MAPKAP1: variants seen among roughly 807,000 people sequenced by gnomAD.
MAPKAP1 encodes target of rapamycin complex 2 subunit MAPKAP1.
In MAPKAP1, 20 loss-of-function variants were observed where a neutral mutation model predicts 65.7. The ratio of observed to expected loss-of-function variants is 0.30; its 90% CI spans 0.21 to 0.44. The LOEUF (loss-of-function observed/expected upper bound fraction) is 0.44. Ranked by LOEUF, MAPKAP1 falls within the 20% of genes least tolerant of loss-of-function variation. The pLI is 1.00. For missense variants in MAPKAP1, 423 were observed against 648.0 expected (o/e 0.65, Z 3.77); for synonymous variants, 222 against 244.3 (o/e 0.91, Z 0.85).
At chr9:125,588,431 T>A (rs1196203087) in intron 4 of MAPKAP1, among the ~76,000 whole-genome samples, 6 of 152,164 alleles carry the variant, frequency 3.9e-5, no homozygotes, top group Non-Finnish European at 8.8e-5. Flanking sequence ...GAGGTTTCTT[T>A]TGGGGGTGAT....
chr9:125,670,015 A>G, intron 2 of MAPKAP1, 108 bp from the exon 3 acceptor site: 1 of 598,468 alleles, frequency 1.7e-6, no homozygotes, highest in East Asian at 3.3e-5. Context: ...TTGCATATGT[A>G]GAGAAAAAGT....
intron 9 of MAPKAP1, among the ~76,000 whole-genome samples, chr9:125,475,066 G>C (rs1210959541): frequency 6.6e-6 from 1 of 152,202 alleles, no homozygotes; most frequent in Non-Finnish European, 1.5e-5. Flanking sequence ...CACACAGGCT[G>C]TTTGGGCTTA....
At chr9:125,670,711 C>T (rs1350266696) in intron 2 of MAPKAP1, among the ~76,000 whole-genome samples, 1 of 152,114 alleles carries the variant, frequency 6.6e-6, no homozygotes, top group Non-Finnish European at 1.5e-5. Context: ...GTGAACTGAT[C>T]CTTTAGAGAA....
At chr9:125,688,180 C>T (rs1835046859) in intron 1 of MAPKAP1, among the ~76,000 whole-genome samples, 1 of 152,016 alleles carries the variant, frequency 6.6e-6, no homozygotes. Context: ...CTCTTGTCAT[C>T]CAGGCTAGAT....
intron 8 of MAPKAP1, among the ~76,000 whole-genome samples, chr9:125,497,020 A>G (rs1828827914): frequency 6.6e-6 from 1 of 152,182 alleles, no homozygotes; most frequent in Non-Finnish European, 1.5e-5. Flanking sequence ...ATCAGTGATC[A>G]GAGAGGAGTA....
At chr9:125,456,963 T>C (rs1196604399) in intron 10 of MAPKAP1, among the ~76,000 whole-genome samples, 2 of 151,972 alleles carry the variant, frequency 1.3e-5, no homozygotes, top group East Asian at 3.9e-4. Context: ...TTTTTCATCA[T>C]CATACTAATC....
intron 4 of MAPKAP1, among the ~76,000 whole-genome samples, chr9:125,591,132 A>G (rs1831948870): frequency 6.6e-6 from 1 of 152,204 alleles, no homozygotes; most frequent in African/African-American, 2.4e-5. Flanking sequence ...TCATCTGCTC[A>G]ACACCCAATA....
chr9:125,575,208 A>C (rs10986805), intron 5 of MAPKAP1, among the ~76,000 whole-genome samples: 1 of 152,174 alleles, frequency 6.6e-6, no homozygotes, highest in Non-Finnish European at 1.5e-5. Context: ...AAAAAATTTT[A>C]AAAATTAGCC....
chr9:125,626,542 C>A lies in MAPKAP1; in HGVS notation c.498+31109G>T, dbSNP rs149614695. On this transcript the variant is annotated intron_variant, in intron 4 of 11. Coordinates refer to ENST00000265960, the MANE Select transcript of MAPKAP1 (RefSeq NM_001006617.3). ...ATTAAATAAGATTAAAAACACAATT[C>A]CATCACCACACTGGCCACATTTCAA... 2.3e-3 allele frequency among the ~76,000 whole-genome samples: 344 copies of A among 152,324 alleles called. 1 individual carries two copies. The highest frequency in any genetic ancestry group is 4.0e-3 in the Non-Finnish European group (270 of 68,032).
At chr9:125,529,502 C>T (rs1289902640) in intron 7 of MAPKAP1, among the ~76,000 whole-genome samples, 1 of 27,074 alleles carries the variant, frequency 3.7e-5, no homozygotes, top group African/African-American at 6.1e-5. Context: ...AAGTAGTGTG[C>T]CAAAAAAAAA....
At chr9:125,617,646 C>A (rs1003390161) in intron 4 of MAPKAP1, among the ~76,000 whole-genome samples, 2 of 152,024 alleles carry the variant, frequency 1.3e-5, no homozygotes, top group Non-Finnish European at 1.5e-5. Context: ...CAGCTACAGA[C>A]ATCAATATGG....
In MAPKAP1 at chr9:125,578,240, G is replaced by C. The variant is rs553845821; in HGVS notation, c.671+7315C>G. ...ACAGATGCTTGAAGGCAGCATGCTC[G>C]TTAGGAGTCATCACCACTCCCTAAT... On this transcript the variant is annotated intron_variant, in intron 5 of 11. Coordinates refer to ENST00000265960, the MANE Select transcript of MAPKAP1 (RefSeq NM_001006617.3). Among the ~76,000 whole-genome samples, 89 of 152,214 alleles carry C rather than the reference G, an allele frequency of 5.8e-4. No individual in the cohort carries two copies. The East Asian group carries it at 7.3e-3, about 13-fold the overall frequency.
chr9:125,528,852 A>G (rs1829851476), intron 7 of MAPKAP1, among the ~76,000 whole-genome samples: 1 of 141,694 alleles, frequency 7.1e-6, no homozygotes, highest in Non-Finnish European at 1.5e-5. Flanking sequence ...CGTCTCAAAA[A>G]AAAAAAAAAA....
At chr9:125,498,539 T>G (rs1371536916) in intron 8 of MAPKAP1, among the ~76,000 whole-genome samples, 1 of 152,158 alleles carries the variant, frequency 6.6e-6, no homozygotes, top group South Asian at 2.1e-4. Flanking sequence ...AAAAACACCC[T>G]TTTCTGCAGG....
chr9:125,582,807 T>C (rs1564569300), intron 5 of MAPKAP1, among the ~76,000 whole-genome samples: 1 of 152,224 alleles, frequency 6.6e-6, no homozygotes, highest in African/African-American at 2.4e-5. Flanking sequence ...TCATGTAGTA[T>C]TTCCCACTCT....
intron 9 of MAPKAP1, among the ~76,000 whole-genome samples, chr9:125,473,078 CTTT>C (rs77182446): frequency 7.5e-6 from 1 of 133,272 alleles, no homozygotes; most frequent in Non-Finnish European, 1.6e-5. Context: ...TTCAGCAGAA[CTTT>C]TTTTTTTTTT....
At chr9:125,663,177 A>T (rs1834238249) in intron 3 of MAPKAP1, among the ~76,000 whole-genome samples, 1 of 152,204 alleles carries the variant, frequency 6.6e-6, no homozygotes, top group African/African-American at 2.4e-5. Flanking sequence ...ACCCTCCATA[A>T]CTAGGAACCC....
intron 10 of MAPKAP1, among the ~76,000 whole-genome samples, chr9:125,458,715 C>T (rs1476054444): frequency 6.7e-6 from 1 of 149,248 alleles, no homozygotes; most frequent in African/African-American, 2.5e-5. Flanking sequence ...CTGGCCTGTT[C>T]TCAATGAGCT....
intron 4 of MAPKAP1, among the ~76,000 whole-genome samples, chr9:125,617,322 G>A (rs890411326): frequency 1.9e-4 from 29 of 152,148 alleles, no homozygotes; most frequent in African/African-American, 6.8e-4. Flanking sequence ...TTAGCCAGGC[G>A]TGGTGGCAAG....
Sources: allele counts gnomAD v4.1 joint callset (sites outside exome capture counted in the v4.1 genomes callset), GRCh38; gene constraint gnomAD v4.1.1; transcripts MANE v1.5; gene names NCBI Gene and HGNC (gene_info 2026-07-23, HGNC 2026-07-21).